Variants in GJC2 observed in about 807,000 individuals in gnomAD.
The protein encoded by GJC2 is gap junction gamma-2 protein.
For missense variants in GJC2, 647 were observed against 648.9 expected (o/e 1.00, Z 0.03); for synonymous variants, 336 against 307.5 (o/e 1.09, Z -0.97).
At position 228,152,420 on chromosome 1, in the gene GJC2, G is replaced by A. The variant is rs763085235; in HGVS notation, c.-20+2413G>A. ...CCTTGTTCAGACCCAGGATGAGCAG[G>A]AGCTTGATGGGGGAGGGGGCCCGGC... On this transcript the variant is annotated intron_variant, in intron 1 of 1. Coordinates refer to ENST00000366714, the MANE Select transcript of GJC2 (RefSeq NM_020435.4). This position sits in a 1 kb window ranked among gnomAD's most constrained non-coding sequence, Gnocchi z 7.3. Among the ~76,000 whole-genome samples the A allele has an allele frequency of 6.6e-6, 1 of 152,096 alleles. No homozygotes were observed.
chr1:228,154,163 C>T (rs1176550055), intron 1 of GJC2, among the ~76,000 whole-genome samples: 1 of 152,134 alleles, frequency 6.6e-6, no homozygotes, highest in African/African-American at 2.4e-5. Context: ...TTTGCCTCTC[C>T]CCTACAGCTC....
In GJC2 at chr1:228,158,476, C is replaced by T. The variant is rs74315313; in HGVS notation, c.718C>T (p.Arg240Ter). The T allele has an allele frequency of 2.5e-6, 4 of 1,611,772 alleles. No individual in the cohort carries two copies. Among genetic ancestry groups the T allele is most frequent in the South Asian group, 1.1e-5 (1 of 91,086 alleles). Reference protein sequence around the residue: ...GQYLLYGFEVRPFFPCSRQPC... With the variant: ...GQYLLYGFEV ...GTACCTGCTGTACGGCTTCGAGGTG[C>T]GACCGTTCTTTCCCTGCAGCCGCCA... Residue 240 changes from arginine to a stop codon, truncating the protein, a stop_gained, in exon 2 of 2, where the codon CGA becomes TGA. Transcript: ENST00000366714. LOFTEE classifies it low-confidence loss of function (END_TRUNC). The surrounding 1 kb of genome is among the most constrained non-coding windows in gnomAD (Gnocchi z 8.3).
Position 228,159,585 on chromosome 1 carries a change from A to T in GJC2, c.*507A>T, listed in dbSNP as rs537396147. 3 of 174,132 alleles carry T rather than the reference A, an allele frequency of 1.7e-5. No individual in the cohort carries two copies. In the Admixed American group the frequency reaches 1.8e-4, roughly 10 times the overall value. 10.8% of individuals were successfully genotyped at this position (174,132 alleles called of 1,614,324 possible). ...GAGCTGGGAGCCTGGGGTGGACAGG[A>T]CCATACCCTCTTTGAGCTTCTGCGA... On this transcript the variant is annotated 3_prime_UTR_variant, in exon 2 of 2. Coordinates refer to ENST00000366714, the MANE Select transcript of GJC2 (RefSeq NM_020435.4). This position sits in a 1 kb window ranked among gnomAD's most constrained non-coding sequence, Gnocchi z 4.0.
At chr1:228,154,468 C>T (rs1264170531) in intron 1 of GJC2, among the ~76,000 whole-genome samples, 1 of 152,204 alleles carries the variant, frequency 6.6e-6, no homozygotes, top group African/African-American at 2.4e-5. Flanking sequence ...GACACCTTGG[C>T]CGCCTGGCCA....
chr1:228,151,166 C>T lies in GJC2; in HGVS notation c.-20+1159C>T, dbSNP rs1389699233. On this transcript the variant is annotated intron_variant, in intron 1 of 1. Coordinates refer to ENST00000366714, the MANE Select transcript of GJC2 (RefSeq NM_020435.4). The surrounding 1 kb of genome is among the most constrained non-coding windows in gnomAD (Gnocchi z 5.4). The stretch of plus-strand genomic sequence containing the variant: ...CCACGCATTCACAGCGCCAACAACC[C>T]CAGGGAGGAGAGGGCTCCACGGGGG... Among the ~76,000 whole-genome samples the T allele has an allele frequency of 1.3e-5, 2 of 152,152 alleles. No individual in the cohort carries two copies. Among genetic ancestry groups the T allele is most frequent in the African/African-American group, 4.8e-5 (2 of 41,442 alleles).
rs980290283 is a variant in GJC2, at chr1:228,151,805, C to T, written c.-20+1798C>T. 3.3e-5 allele frequency among the ~76,000 whole-genome samples: 5 copies of T among 152,072 alleles called. No individual in the cohort carries two copies. The highest frequency in any genetic ancestry group is 6.5e-5 in the Admixed American group (1 of 15,274). The stretch of plus-strand genomic sequence containing the variant: ...GCTGAGCTCTGCACCTCCCTCTGGA[C>T]CAGGGCATCCAGAGGAGCATGGCTG... On this transcript the variant is annotated intron_variant, in intron 1 of 1. Coordinates refer to ENST00000366714, the MANE Select transcript of GJC2 (RefSeq NM_020435.4). This position sits in a 1 kb window ranked among gnomAD's most constrained non-coding sequence, Gnocchi z 5.4.
chr1:228,159,451 G>A lies in GJC2; in HGVS notation c.*373G>A, dbSNP rs2034741470. ...ATGGAGGGCCCAGGGTGCCTGGTAT[G>A]GGCATCAGTTGGTGGGGGTGCGGGG... On this transcript the variant is annotated 3_prime_UTR_variant, in exon 2 of 2. Transcript: ENST00000366714. The surrounding 1 kb of genome is among the most constrained non-coding windows in gnomAD (Gnocchi z 4.0). 7.9e-6 allele frequency: 2 copies of A among 252,370 alleles called. No individual in the cohort carries two copies. Among genetic ancestry groups the A allele is most frequent in the Admixed American group, 5.1e-5 (1 of 19,508 alleles). The allele number at this position is 252,370 out of a possible 1,614,324, so 15.6% of individuals were successfully genotyped here. A position where few individuals can be genotyped will look rare whatever the true frequency, so the allele number is the denominator to read the frequency against.
At chr1:228,156,812 C>T (rs2034685272) in intron 1 of GJC2, among the ~76,000 whole-genome samples, 1 of 152,240 alleles carries the variant, frequency 6.6e-6, no homozygotes, top group Non-Finnish European at 1.5e-5. Flanking sequence ...GGAGCACAGG[C>T]CCTGCTGCAC....
intron 1 of GJC2, among the ~76,000 whole-genome samples, chr1:228,154,174 C>T (rs1376536720): frequency 6.6e-6 from 1 of 152,180 alleles, no homozygotes; most frequent in Admixed American, 6.5e-5. Context: ...CCTACAGCTC[C>T]TTTTCTGCCC....
Position 228,158,177 on chromosome 1 carries a change from A to ACCTGGGCGAGGAGGAGCCCATGCTGGG in GJC2, c.436_462dup (p.Pro146_Glu154dup). The ACCTGGGCGAGGAGGAGCCCATGCTGGG allele has an allele frequency of 7.1e-7, 1 of 1,414,896 alleles. No homozygotes were observed. The allele number at this position is 1,414,896 out of a possible 1,614,324, so 87.6% of individuals were successfully genotyped here. ...CACGCCGGCTGGCCTGAGCCCGCCG[A>ACCTGGGCGAGGAGGAGCCCATGCTGGG]CCTGGGCGAGGAGGAGCCCATGCTG... On this transcript the variant is annotated inframe_insertion, in exon 2 of 2. Transcript: ENST00000366714. This position sits in a 1 kb window ranked among gnomAD's most constrained non-coding sequence, Gnocchi z 8.3.
chr1:228,152,846 G>A lies in GJC2; in HGVS notation c.-20+2839G>A, dbSNP rs189656951. 3.1e-3 allele frequency among the ~76,000 whole-genome samples: 479 copies of A among 152,168 alleles called. 1 individual carries two copies. Among genetic ancestry groups the A allele is most frequent in the African/African-American group, 0.011 (459 of 41,518 alleles). On this transcript the variant is annotated intron_variant, in intron 1 of 1. Transcript: ENST00000366714. This position sits in a 1 kb window ranked among gnomAD's most constrained non-coding sequence, Gnocchi z 7.3. The stretch of plus-strand genomic sequence containing the variant: ...CACTCCCAGACCTGGGCCAGGCAGC[G>A]TCCTGGCTGGTGGCCTCCTGTGGTC...
Position 228,158,747 on chromosome 1 carries a change from C to A in GJC2, c.989C>A (p.Pro330Gln), listed in dbSNP as rs759236425. 17 of 1,376,988 alleles carry A rather than the reference C, an allele frequency of 1.2e-5. 1 individual carries two copies. Among genetic ancestry groups the A allele is most frequent in the South Asian group, 8.2e-5 (6 of 72,770 alleles). The allele number at this position is 1,376,988 out of a possible 1,614,324, so 85.3% of individuals were successfully genotyped here. The change falls in exon 2 of 2, where the codon CCG (proline) becomes CAG (glutamine). Residue 330 changes from proline (P) to glutamine (Q), a missense_variant. Pro to Gln is a moderately conservative substitution (Grantham distance 76, BLOSUM62 -1). Coordinates refer to ENST00000366714, the MANE Select transcript of GJC2 (RefSeq NM_020435.4). The surrounding 1 kb of genome is among the most constrained non-coding windows in gnomAD (Gnocchi z 8.3). ...GCGGCGGCCGCTGGCTTGGCCTGCCCGCCCGACTACAGCCTGGTGGTGCGG... is the reference window on the plus strand; with the variant it reads ...GCGGCGGCCGCTGGCTTGGCCTGCCAGCCCGACTACAGCCTGGTGGTGCGG... The part of the protein sequence containing the change: ...FPAAAAGLAC[P>Q]PDYSLVVRAA...
chr1:228,158,255 G>A lies in GJC2; in HGVS notation c.497G>A (p.Gly166Asp), dbSNP rs1479851402. 6 of 1,516,462 alleles carry A rather than the reference G, an allele frequency of 4.0e-6. 1 individual carries two copies. In the Admixed American group the frequency reaches 8.1e-5, roughly 20 times the overall value. 93.9% of individuals were successfully genotyped at this position (1,516,462 alleles called of 1,614,324 possible). A position where few individuals can be genotyped will look rare whatever the true frequency, so the allele number is the denominator to read the frequency against. ...EEETGAAEGA[G>D]EEAEEAGAEE... is the part of the protein sequence containing the mutation. ...GAGACGGGGGCAGCCGAGGGCGCCG[G>A]CGAGGAAGCGGAGGAGGCAGGCGCG... Residue 166 changes from glycine (G) to aspartate (D), a missense_variant, in exon 2 of 2, where the codon GGC becomes GAC. Transcript: ENST00000366714. This position sits in a 1 kb window ranked among gnomAD's most constrained non-coding sequence, Gnocchi z 8.3.
Position 228,159,136 on chromosome 1 carries a change from A to G in GJC2, c.*58A>G, listed in dbSNP as rs2034736931. On this transcript the variant is annotated 3_prime_UTR_variant, in exon 2 of 2. Coordinates refer to ENST00000366714, the MANE Select transcript of GJC2 (RefSeq NM_020435.4). This position sits in a 1 kb window ranked among gnomAD's most constrained non-coding sequence, Gnocchi z 4.0. ...GGAGGGTTGGGGGGCTCCGGTGGAAACCTGCGACCCCTTCTCCTCAGCCTT... is the reference window on the plus strand; with the variant it reads ...GGAGGGTTGGGGGGCTCCGGTGGAAGCCTGCGACCCCTTCTCCTCAGCCTT... The G allele has an allele frequency of 6.4e-7, 1 of 1,573,704 alleles. No homozygotes were observed. The highest frequency in any genetic ancestry group is 8.7e-7 in the Non-Finnish European group (1 of 1,149,880).
intron 1 of GJC2, among the ~76,000 whole-genome samples, chr1:228,155,244 G>A (rs1045191516): frequency 3.3e-5 from 5 of 152,218 alleles, no homozygotes; most frequent in African/African-American, 9.6e-5. Flanking sequence ...GTGGGCTCCA[G>A]CCAGTGTGGG....
At position 228,158,862 on chromosome 1, in the gene GJC2, C is replaced by CCTCA; in HGVS notation, c.1105_1106insTCAC (p.Arg369LeufsTer124). ...ACGGGGCAGCGGCTGGGGACCGCGA[C>CCTCA]CGGGACAGTTCGCCGTGCGTCGGCC... is the stretch of plus-strand genomic sequence containing the variant. On this transcript the variant is annotated frameshift_variant, in exon 2 of 2. Transcript: ENST00000366714. LOFTEE classifies it low-confidence loss of function (END_TRUNC). This position sits in a 1 kb window ranked among gnomAD's most constrained non-coding sequence, Gnocchi z 8.3. 6.7e-7 allele frequency: 1 copy of CCTCA among 1,487,446 alleles called. No individual in the cohort carries two copies. The highest frequency in any genetic ancestry group is 1.5e-5 in the African/African-American group (1 of 67,960). 92.1% of individuals were successfully genotyped at this position (1,487,446 alleles called of 1,614,324 possible). A position where few individuals can be genotyped will look rare whatever the true frequency, so the allele number is the denominator to read the frequency against.
At position 228,152,725 on chromosome 1, in the gene GJC2, C is replaced by T. The variant is rs1272340217; in HGVS notation, c.-20+2718C>T. Among the ~76,000 whole-genome samples the T allele has an allele frequency of 6.6e-6, 1 of 151,946 alleles. No homozygotes were observed. Among genetic ancestry groups the T allele is most frequent in the African/African-American group, 2.4e-5 (1 of 41,350 alleles). ...TAGCGAGCCCCCATGAGACCCTGGT[C>T]CCCAGTATGAGAACCCTGTGAGTCC... On this transcript the variant is annotated intron_variant, in intron 1 of 1. Transcript: ENST00000366714. The surrounding 1 kb of genome is among the most constrained non-coding windows in gnomAD (Gnocchi z 7.3).
At position 228,158,049 on chromosome 1, in the gene GJC2, C is replaced by T. The variant is rs202209462; in HGVS notation, c.291C>T (p.Tyr97=). 4.7e-5 allele frequency: 75 copies of T among 1,607,566 alleles called. No homozygotes were observed. In the East Asian group the frequency reaches 8.3e-4, roughly 18 times the overall value. ...ISTPSVMYLG[Y]AVHRLARASE... ...CGCCCTCGGTCATGTACCTGGGCTA[C>T]GCCGTGCACCGCCTGGCCCGTGCGT... Residue 97 remains tyrosine (Y), a synonymous_variant, in exon 2 of 2, where the codon TAC becomes TAT. Coordinates refer to ENST00000366714, the MANE Select transcript of GJC2 (RefSeq NM_020435.4). The surrounding 1 kb of genome is among the most constrained non-coding windows in gnomAD (Gnocchi z 8.3).
At position 228,150,652 on chromosome 1, in the gene GJC2, CGGCGTGGCTGAGGAGGGGGA is replaced by C. The variant is rs1274200673; in HGVS notation, c.-20+649_-20+668del. On this transcript the variant is annotated intron_variant, in intron 1 of 1. Transcript: ENST00000366714. This position sits in a 1 kb window ranked among gnomAD's most constrained non-coding sequence, Gnocchi z 4.6. Reference sequence around the variant, plus strand: ...GCAGGCCCTCAGTGCAAGGAAGGGGCGGCGTGGCTGAGGAGGGGGAGGCCCACACCCCTCTGGGAGGGCGG... The same window carrying C: ...GCAGGCCCTCAGTGCAAGGAAGGGGCGGCCCACACCCCTCTGGGAGGGCGG... Among the ~76,000 whole-genome samples, 70 of 152,186 alleles carry C rather than the reference CGGCGTGGCTGAGGAGGGGGA, an allele frequency of 4.6e-4. No homozygotes were observed. The highest frequency in any genetic ancestry group is 1.5e-3 in the African/African-American group (64 of 41,526).
Sources: allele counts gnomAD v4.1 joint callset (sites outside exome capture counted in the v4.1 genomes callset), GRCh38; gene constraint gnomAD v4.1.1; non-coding constraint Gnocchi (gnomAD v3.1); transcripts MANE v1.5; gene names NCBI Gene and HGNC (gene_info 2026-07-23, HGNC 2026-07-21).